ITGB5: variants seen among roughly 807,000 people sequenced by gnomAD.
ITGB5 encodes integrin beta-5.
In ITGB5, 38 loss-of-function variants were observed where a neutral mutation model predicts 84.8. The observed-to-expected ratio is 0.45, with a 90% CI of 0.35 to 0.59. ITGB5 has a LOEUF of 0.59. Among genes scored for constraint, ITGB5 ranks in the 20% least tolerant of loss-of-function variants. The pLI, the probability that ITGB5 is intolerant of heterozygous loss-of-function variation, is 0.01. For synonymous variants in ITGB5, 393 were observed against 414.4 expected (o/e 0.95, Z 0.63); for missense variants, 905 against 1,034.5 (o/e 0.87, Z 1.72).
At chr3:124,799,752 A>C (rs926439297) in intron 9 of ITGB5, among the ~76,000 whole-genome samples, 1 of 152,136 alleles carries the variant, frequency 6.6e-6, no homozygotes, top group African/African-American at 2.4e-5. Flanking sequence ...ACAGCTGATG[A>C]GTGGGGCCAG....
intron 10 of ITGB5, among the ~76,000 whole-genome samples, chr3:124,784,896 T>C (rs1317724428): frequency 6.6e-6 from 1 of 152,220 alleles, no homozygotes; most frequent in Non-Finnish European, 1.5e-5. Context: ...GTCATGGTGT[T>C]GTGGTTGGTT....
chr3:124,813,636 G>T (rs975760921), intron 8 of ITGB5, among the ~76,000 whole-genome samples: 3 of 152,212 alleles, frequency 2.0e-5, no homozygotes, highest in Admixed American at 2.0e-4. Context: ...GGCTGCAGAT[G>T]AACAGCTAGA....
At chr3:124,876,096 C>A (rs1263080001) in intron 1 of ITGB5, among the ~76,000 whole-genome samples, 2 of 152,050 alleles carry the variant, frequency 1.3e-5, no homozygotes, top group African/African-American at 4.8e-5. Flanking sequence ...GAAAATAGTT[C>A]ATAATAATGT....
At chr3:124,891,186 T>G (rs555240697), upstream of ITGB5, among the ~76,000 whole-genome samples, 34 of 152,286 alleles carry the variant, frequency 2.2e-4, no homozygotes, top group Admixed American at 1.8e-3. Flanking sequence ...AATATAGACT[T>G]ACCATATGAC....
At chr3:124,798,010 T>C (rs1290043254) in intron 9 of ITGB5, among the ~76,000 whole-genome samples, 1 of 151,770 alleles carries the variant, frequency 6.6e-6, no homozygotes, top group Admixed American at 6.6e-5. Context: ...AAAACCACTT[T>C]CAGCTATTAC....
intron 10 of ITGB5, among the ~76,000 whole-genome samples, chr3:124,784,170 C>T (rs1341355020): frequency 1.3e-5 from 2 of 152,172 alleles, no homozygotes; most frequent in East Asian, 1.9e-4. Flanking sequence ...GCAACAGAAC[C>T]GTCTCAAAGG....
chr3:124,802,081 C>A (rs2064324339), intron 9 of ITGB5, among the ~76,000 whole-genome samples: 1 of 152,226 alleles, frequency 6.6e-6, no homozygotes, highest in Non-Finnish European at 1.5e-5. Context: ...TGGGCTCCTG[C>A]AGTGCCACAC....
intron 3 of ITGB5, among the ~76,000 whole-genome samples, chr3:124,854,621 T>C (rs2065198357): frequency 6.6e-6 from 1 of 152,208 alleles, no homozygotes; most frequent in Non-Finnish European, 1.5e-5. Flanking sequence ...GACGGTAGTT[T>C]AAGCAGTAAC....
At chr3:124,822,109 A>C (rs963231360) in intron 5 of ITGB5, among the ~76,000 whole-genome samples, 1 of 152,198 alleles carries the variant, frequency 6.6e-6, no homozygotes, top group Admixed American at 6.5e-5. Context: ...CTGCTCCACT[A>C]TCTGAAATTT....
At position 124,779,810 on chromosome 3, in the gene ITGB5, G is replaced by A. The variant is rs35064680; in HGVS notation, c.1694-5898C>T. ...TTAAACATCACTGCCTTATCATGGC[G>A]GGGTGTGGGGGGAGCTTGGCACAGG... On this transcript the variant is annotated intron_variant, in intron 10 of 14. Transcript: ENST00000296181. 8.4e-3 allele frequency among the ~76,000 whole-genome samples: 1,274 copies of A among 152,240 alleles called. 7 individuals carry two copies. Among genetic ancestry groups the A allele is most frequent in the Admixed American group, 0.014 (209 of 15,304 alleles).
intron 3 of ITGB5, among the ~76,000 whole-genome samples, chr3:124,854,249 T>G (rs2065193632): frequency 6.6e-6 from 1 of 152,148 alleles, no homozygotes; most frequent in Non-Finnish European, 1.5e-5. Flanking sequence ...AAAACATATG[T>G]CCCCACAATA....
At chr3:124,785,981 G>A (rs1056686612) in intron 10 of ITGB5, among the ~76,000 whole-genome samples, 1 of 152,334 alleles carries the variant, frequency 6.6e-6, no homozygotes, top group East Asian at 1.9e-4. Flanking sequence ...AAAAGGCAGT[G>A]CAAGGTTCTC....
chr3:124,800,273 A>G (rs185576857), intron 9 of ITGB5, among the ~76,000 whole-genome samples: 2 of 152,324 alleles, frequency 1.3e-5, no homozygotes, highest in Admixed American at 6.5e-5. Context: ...CCAAGAGCCA[A>G]AGGCATTTAA....
intron 8 of ITGB5, among the ~76,000 whole-genome samples, chr3:124,810,666 T>G (rs72972563): frequency 0.029 from 4,402 of 152,236 alleles, 103 homozygotes; most frequent in African/African-American, 0.058. Context: ...GATTCCACTT[T>G]GGAGACTGAG....
In ITGB5 at chr3:124,848,475, A is replaced by G; in HGVS notation, c.445T>C (p.Ser149Pro). 1.2e-6 allele frequency: 2 copies of G among 1,614,156 alleles called. No homozygotes were observed. The highest frequency in any genetic ancestry group is 1.7e-6 in the Non-Finnish European group (2 of 1,180,038). The change falls in exon 4 of 15, where the codon TCC (serine) becomes CCC (proline). Residue 149 changes from serine (S) to proline (P), a missense_variant. This residue lies in a region of ITGB5 where 656 missense variants were observed against 734.7 expected (regional missense o/e 0.89). Coordinates refer to ENST00000296181, the MANE Select transcript of ITGB5 (RefSeq NM_002213.5). ...DLYYLMDLSLSMKDDLDNIRS... is the reference protein window; with the variant it reads ...DLYYLMDLSLPMKDDLDNIRS... Reference sequence around the variant, plus strand: ...ATATTGTCCAAGTCATCCTTCATGGACAGGGAGAGGTCCATCAGGTAGTAC... The same window carrying G: ...ATATTGTCCAAGTCATCCTTCATGGGCAGGGAGAGGTCCATCAGGTAGTAC...
intron 5 of ITGB5, among the ~76,000 whole-genome samples, chr3:124,840,687 CAG>C (rs1351151278): frequency 6.7e-6 from 1 of 149,762 alleles, no homozygotes; most frequent in Non-Finnish European, 1.5e-5. Context: ...AAATTTGAGA[CAG>C]AGTCTCACAC....
chr3:124,807,704 C>T (rs552395459), intron 9 of ITGB5, among the ~76,000 whole-genome samples: 2 of 151,510 alleles, frequency 1.3e-5, no homozygotes, highest in East Asian at 2.0e-4. Context: ...CCAGCACTTT[C>T]GGAGGCCGAG....
At chr3:124,873,555 C>T in intron 1 of ITGB5, 24 bp from the exon 2 acceptor site, 1 of 1,536,148 alleles carries the variant, frequency 6.5e-7, no homozygotes, top group South Asian at 1.1e-5. Context: ...TAAAGATGCA[C>T]TAATTAGTTC....
chr3:124,866,198 G>A (rs2065386906), intron 2 of ITGB5, among the ~76,000 whole-genome samples: 1 of 144,880 alleles, frequency 6.9e-6, no homozygotes, highest in Non-Finnish European at 1.5e-5. Context: ...GGCCAGGCTG[G>A]TCTTGAACTC....
Sources: gnomAD v4.1 joint callset for allele counts (sites outside exome capture counted in the v4.1 genomes callset) on GRCh38, gnomAD v4.1.1 for gene constraint, gnomAD v4.1.1 regional missense constraint, MANE v1.5 for transcripts, NCBI Gene and HGNC (gene_info 2026-07-23, HGNC 2026-07-21) for gene names.